ADAM9: variants seen among roughly 807,000 people sequenced by gnomAD.
ADAM9 encodes the protein disintegrin and metalloproteinase domain-containing protein 9.
A neutral mutation model predicts 108.1 loss-of-function variants in ADAM9; 54 were observed. The ratio of observed to expected loss-of-function variants is 0.50; its 90% CI spans 0.40 to 0.63. ADAM9 has a LOEUF of 0.63. Ranked by LOEUF, ADAM9 falls within the 20% of genes least tolerant of loss-of-function variation. The pLI is 0.00. For synonymous variants in ADAM9, 316 were observed against 336.0 expected, an observed-to-expected ratio of 0.94 and a Z score of 0.65; for missense variants, 830 against 997.7, an observed-to-expected ratio of 0.83 and a Z score of 2.26.
At position 39,104,881 on chromosome 8, in the gene ADAM9, A is replaced by G. The variant is rs1295930115; in HGVS notation, c.*1181A>G. 4.5e-6 allele frequency: 2 copies of G among 442,406 alleles called. No individual in the cohort carries two copies. Among genetic ancestry groups the G allele is most frequent in the African/African-American group, 4.1e-5 (2 of 49,092 alleles). 27.4% of individuals were successfully genotyped at this position (442,406 alleles called of 1,614,324 possible). ...AAAAATTTTTTCATAACCTTTCATA[A>G]TAAAGTTTAATAATAGGTTTATTAA... On this transcript the variant is annotated 3_prime_UTR_variant, in exon 22 of 22. Coordinates refer to ENST00000487273, the MANE Select transcript of ADAM9 (RefSeq NM_003816.3).
At chr8:39,040,291 C>T (rs1486099676) in intron 11 of ADAM9, among the ~76,000 whole-genome samples, 18 of 152,160 alleles carry the variant, frequency 1.2e-4, no homozygotes, top group African/African-American at 1.4e-4. Flanking sequence ...TCAAGCGATC[C>T]GCCCGCCTCA....
At chr8:39,054,714 G>C in intron 13 of ADAM9, 141 bp downstream of exon 13, 3 of 670,004 alleles carry the variant, frequency 4.5e-6, no homozygotes, top group Non-Finnish European at 7.6e-6. Flanking sequence ...TATGCCACTT[G>C]TGTATAATTT....
intron 6 of ADAM9, among the ~76,000 whole-genome samples, chr8:39,017,946 A>G (rs369333741): frequency 6.6e-6 from 1 of 152,204 alleles, no homozygotes; most frequent in Non-Finnish European, 1.5e-5. Context: ...TGATTCTTGA[A>G]CCCTAGATTG....
chr8:39,044,969 C>T (rs922114177), intron 12 of ADAM9, among the ~76,000 whole-genome samples: 1 of 150,184 alleles, frequency 6.7e-6, no homozygotes, highest in African/African-American at 2.5e-5. Context: ...TGTGTGCACA[C>T]ATACCTATGT....
intron 13 of ADAM9, 99 bp downstream of exon 13, chr8:39,054,672 C>G: frequency 9.5e-7 from 1 of 1,054,172 alleles, no homozygotes; most frequent in Middle Eastern, 2.2e-4. Context: ...TGAGTCAGCA[C>G]TATTTTTATT....
intron 1 of ADAM9, among the ~76,000 whole-genome samples, chr8:39,002,002 C>A (rs565650371): frequency 7.3e-6 from 1 of 137,856 alleles, no homozygotes; most frequent in East Asian, 2.1e-4. Flanking sequence ...ATGTATTTAT[C>A]TGGAATTGAC....
Position 39,055,757 on chromosome 8 carries a change from G to C in ADAM9, c.1576G>C (p.Val526Leu), listed in dbSNP as rs766350930. The C allele has an allele frequency of 6.2e-7, 1 of 1,613,266 alleles. No homozygotes were observed. Among genetic ancestry groups the C allele is most frequent in the Non-Finnish European group, 8.5e-7 (1 of 1,179,568 alleles). ...CCAGTATTATGATGCTCAATGTCAA[G>C]TCATCTTTGGCTCAAGTAAGATATC... ...MCQYYDAQCQVIFGSKAKAAP... is the reference protein window; with the variant it reads ...MCQYYDAQCQLIFGSKAKAAP... The change falls in exon 14 of 22, where the codon GTC becomes CTC. Residue 526 changes from valine (V) to leucine (L), a missense_variant. Physicochemically the swap from Val to Leu is conservative, Grantham distance 32. Transcript: ENST00000487273.
Position 38,997,016 on chromosome 8 carries a change from G to C in ADAM9, c.-48G>C. The C allele has an allele frequency of 6.3e-7, 1 of 1,592,568 alleles. No homozygotes were observed. The highest frequency in any genetic ancestry group is 2.3e-5 in the East Asian group (1 of 44,328). On this transcript the variant is annotated 5_prime_UTR_variant, in exon 1 of 22. Coordinates refer to ENST00000487273, the MANE Select transcript of ADAM9 (RefSeq NM_003816.3). The stretch of plus-strand genomic sequence containing the variant: ...GGGTTGGAAAATGATGGAAGAGGCG[G>C]AGGTGGAGGCGACCGAGTGCTGAGA...
At chr8:39,014,151 T>A in intron 4 of ADAM9, 108 bp downstream of exon 4, 1 of 885,338 alleles carries the variant, frequency 1.1e-6, no homozygotes, top group Non-Finnish European at 1.9e-6. Flanking sequence ...CCCCACAGGG[T>A]ACCTTTAACA....
At chr8:39,102,721 G>A (rs1161335857) in intron 21 of ADAM9, among the ~76,000 whole-genome samples, 2 of 152,164 alleles carry the variant, frequency 1.3e-5, no homozygotes, top group Non-Finnish European at 2.9e-5. Flanking sequence ...TAACTATGAT[G>A]TCATGGAATT....
intron 20 of ADAM9, among the ~76,000 whole-genome samples, chr8:39,101,345 C>T (rs1165046256): frequency 6.6e-6 from 1 of 152,174 alleles, no homozygotes; most frequent in African/African-American, 2.4e-5. Context: ...GAAATTTCCA[C>T]ACCTGCCCTC....
At chr8:39,054,158 A>G (rs939458583) in intron 12 of ADAM9, among the ~76,000 whole-genome samples, 1 of 152,162 alleles carries the variant, frequency 6.6e-6, no homozygotes, top group South Asian at 2.1e-4. Context: ...ACTAGTAGGA[A>G]CCTTGATCTT....
intron 1 of ADAM9, among the ~76,000 whole-genome samples, chr8:38,999,608 C>T (rs6989615): frequency 0.81 from 122,643 of 152,138 alleles, 49,578 homozygotes; most frequent in East Asian, 0.95. Flanking sequence ...GTGTTTGTGC[C>T]GATAGGAGAA....
intron 5 of ADAM9, chr8:39,016,975 T>A (rs1836552395): frequency 2.0e-6 from 1 of 502,514 alleles, no homozygotes; most frequent in Admixed American, 3.3e-5. Flanking sequence ...GTGCCTTCCA[T>A]TTCCCGTAGA....
chr8:39,102,212 C>G (rs1207427601), intron 21 of ADAM9, among the ~76,000 whole-genome samples: 1 of 152,052 alleles, frequency 6.6e-6, no homozygotes, highest in Non-Finnish European at 1.5e-5. Flanking sequence ...AGATAACCAG[C>G]AGTAGGAAAC....
At chr8:39,097,886 G>T (rs1196638733) in intron 20 of ADAM9, among the ~76,000 whole-genome samples, 1 of 152,180 alleles carries the variant, frequency 6.6e-6, no homozygotes, top group Non-Finnish European at 1.5e-5. Flanking sequence ...AGAGGGATTC[G>T]TATGTGTGGA....
chr8:39,080,352 A>C (rs1289441684), intron 16 of ADAM9, among the ~76,000 whole-genome samples: 1 of 152,112 alleles, frequency 6.6e-6, no homozygotes, highest in Admixed American at 6.5e-5. Context: ...ACATATATCA[A>C]TGTATTTTTA....
intron 11 of ADAM9, among the ~76,000 whole-genome samples, chr8:39,040,209 C>A (rs947775574): frequency 2.0e-5 from 3 of 152,152 alleles, no homozygotes; most frequent in East Asian, 1.9e-4. Flanking sequence ...ACCACCACAC[C>A]TGGCTAATTT....
chr8:39,101,829 A>T, intron 20 of ADAM9, 34 bp from the exon 21 acceptor site: 2 of 1,496,972 alleles, frequency 1.3e-6, no homozygotes, highest in Non-Finnish European at 1.9e-6. Flanking sequence ...ATGAGCACAT[A>T]GTGGTAATAA....
Sources: gnomAD v4.1 joint callset for allele counts (sites outside exome capture counted in the v4.1 genomes callset) on GRCh38, gnomAD v4.1.1 for gene constraint, MANE v1.5 for transcripts, NCBI Gene and HGNC (gene_info 2026-07-23, HGNC 2026-07-21) for gene names.